Variants in RPL13A observed in about 807,000 individuals in gnomAD.
RPL13A encodes the protein large ribosomal subunit protein uL13.
RPL13A carries 4 observed loss-of-function variants against 30.8 expected under a neutral mutation model. The observed-to-expected ratio is 0.13, with a 90% CI of 0.06 to 0.30. The LOEUF (loss-of-function observed/expected upper bound fraction) is 0.30. Ranked by LOEUF, RPL13A falls within the 10% of genes least tolerant of loss-of-function variation. The pLI is 1.00. For synonymous variants in RPL13A, 108 were observed against 104.2 expected (o/e 1.04, Z -0.22); for missense variants, 196 against 272.6 (o/e 0.72, Z 1.98).
chr19:49,490,451 C>T, intron 3 of RPL13A, 24 bp from the exon 4 acceptor site: 2 of 1,610,554 alleles, frequency 1.2e-6, no homozygotes, highest in Non-Finnish European at 1.7e-6. Context: ...ACTGGGCAGG[C>T]CTCACACTCT....
intron 5 of RPL13A, 32 bp from the exon 6 acceptor site, chr19:49,491,008 C>T (rs760384532): frequency 6.6e-5 from 106 of 1,613,602 alleles, no homozygotes; most frequent in East Asian, 3.8e-4. Flanking sequence ...CTGTCCCTCC[C>T]GGGCTCTTAA....
intron 6 of RPL13A, 96 bp downstream of exon 6, chr19:49,491,195 C>CA: frequency 4.2e-6 from 6 of 1,419,346 alleles, no homozygotes; most frequent in Non-Finnish European, 6.0e-6. Flanking sequence ...GTCCTTATCT[C>CA]ACGATGGTCT....
rs777811523 is a variant in RPL13A at position 49,489,886 on chromosome 19, C to T, written c.52C>T (p.Arg18Cys). 11 of 1,614,080 alleles carry T rather than the reference C, an allele frequency of 6.8e-6. No individual in the cohort carries two copies. The highest frequency in any genetic ancestry group is 2.7e-5 in the African/African-American group (2 of 74,950). ...TGATGGTCGAGGCCATCTCCTGGGC[C>T]GCCTGGCGGCCATCGTGGCTAAACA... ...VLDGRGHLLG[R>C]LAAIVAKQVL... The change falls in exon 2 of 8, where the codon CGC becomes TGC. Residue 18 changes from arginine to cysteine, a missense_variant. By Grantham distance (180) the Arg-to-Cys change is radical. Transcript: ENST00000391857.
Position 49,490,306 on chromosome 19 carries a change from G to C in RPL13A, c.154+9G>C. The C allele has an allele frequency of 6.2e-7, 1 of 1,613,774 alleles. No homozygotes were observed. The highest frequency in any genetic ancestry group is 8.5e-7 in the Non-Finnish European group (1 of 1,179,670). On this transcript the variant is annotated intron_variant, in intron 3 of 7. Transcript: ENST00000391857. ...TTTCTACAGAAACAAGTGTAAGTTA[G>C]GACCTGGGAGGAGCACTGGAGAGGG...
Position 49,489,747 on chromosome 19 carries a change from G to A in RPL13A, c.16-103G>A, listed in dbSNP as rs138621599. ...TCCCAGCTCTGATGGCTGGGTGCAAGGCACGCTGTTGGCACGGTAGGACAA... is the reference window on the plus strand; with the variant it reads ...TCCCAGCTCTGATGGCTGGGTGCAAAGCACGCTGTTGGCACGGTAGGACAA... On this transcript the variant is annotated intron_variant, in intron 1 of 7. Coordinates refer to ENST00000391857, the MANE Select transcript of RPL13A (RefSeq NM_012423.4). 87 of 927,472 alleles carry A rather than the reference G, an allele frequency of 9.4e-5. No individual in the cohort carries two copies. The African/African-American group carries it at 1.0e-3, about 11-fold the overall frequency. The allele number at this position is 927,472 out of a possible 1,614,324, so 57.5% of individuals were successfully genotyped here. A position where few individuals can be genotyped will look rare whatever the true frequency, so the allele number is the denominator to read the frequency against.
Position 49,490,496 on chromosome 19 carries a change from G to A in RPL13A, c.176G>A (p.Arg59His), listed in dbSNP as rs746061159. 3.0e-5 allele frequency: 48 copies of A among 1,614,066 alleles called. No individual in the cohort carries two copies. The highest frequency in any genetic ancestry group is 3.4e-5 in the Non-Finnish European group (40 of 1,180,030). Reference protein sequence around the residue: ...RNKLKYLAFLRKRMNTNPSRG... With the variant: ...RNKLKYLAFLHKRMNTNPSRG... ...CTAGTGAAGTACCTGGCTTTCCTCC[G>A]CAAGCGGATGAACACCAACCCTTCC... Residue 59 changes from arginine (R) to histidine (H), a missense_variant, in exon 4 of 8, where the codon CGC becomes CAC. Coordinates refer to ENST00000391857, the MANE Select transcript of RPL13A (RefSeq NM_012423.4).
chr19:49,490,395 G>C, intron 3 of RPL13A, 80 bp from the exon 4 acceptor site: 1 of 1,590,084 alleles, frequency 6.3e-7, no homozygotes, highest in South Asian at 1.1e-5. Context: ...GCTACTTGGG[G>C]TTTCTGAGAA....
At chr19:49,489,452 C>T (rs573698920) in intron 1 of RPL13A, among the ~76,000 whole-genome samples, 1 of 152,294 alleles carries the variant, frequency 6.6e-6, no homozygotes, top group African/African-American at 2.4e-5. Context: ...ACAGGACAGC[C>T]TGTGCAACAG....
At chr19:49,491,672 G>T in intron 7 of RPL13A, 57 bp from the exon 8 acceptor site, 3 of 1,587,010 alleles carry the variant, frequency 1.9e-6, no homozygotes, top group Non-Finnish European at 2.6e-6. Flanking sequence ...TGCAGTCCAT[G>T]TAATGAGGGC....
At chr19:49,490,612 C>T (rs767100649) in intron 4 of RPL13A, 36 bp downstream of exon 4, 16 of 1,605,584 alleles carry the variant, frequency 1.0e-5, no homozygotes, top group Non-Finnish European at 1.3e-5. Context: ...TGGTGACGGG[C>T]AGGCGGCCGG....
At chr19:49,488,521 T>C (rs1401626193) in intron 1 of RPL13A, among the ~76,000 whole-genome samples, 2 of 152,368 alleles carry the variant, frequency 1.3e-5, no homozygotes, top group East Asian at 3.9e-4. Flanking sequence ...ACCATATTCC[T>C]GAGGCAGTTA....
chr19:49,490,610 G>T, intron 4 of RPL13A, 34 bp downstream of exon 4: 1 of 1,607,908 alleles, frequency 6.2e-7, no homozygotes, highest in Middle Eastern at 1.7e-4. Context: ...GGTGGTGACG[G>T]GCAGGCGGCC....
rs1044629754 is a variant in RPL13A, at chr19:49,492,151, A to G, written c.*336A>G. 7.4e-6 allele frequency: 2 copies of G among 268,698 alleles called. No homozygotes were observed. Among genetic ancestry groups the G allele is most frequent in the Admixed American group, 9.6e-5 (2 of 20,800 alleles). The allele number at this position is 268,698 out of a possible 1,614,324, so 16.6% of individuals were successfully genotyped here. A position where few individuals can be genotyped will look rare whatever the true frequency, so the allele number is the denominator to read the frequency against. ...GGTCATATACTCTGCAGCTGTTAGA[A>G]TGTGCAAGCACTTGGGGACAGCATG... On this transcript the variant is annotated 3_prime_UTR_variant, in exon 8 of 8. Coordinates refer to ENST00000391857, the MANE Select transcript of RPL13A (RefSeq NM_012423.4).
At chr19:49,488,465 G>A (rs114262775) in intron 1 of RPL13A, among the ~76,000 whole-genome samples, 170 of 152,334 alleles carry the variant, frequency 1.1e-3, no homozygotes, top group African/African-American at 4.0e-3. Flanking sequence ...CCAAGCATGT[G>A]TCTTTGTGCC....
intron 4 of RPL13A, 98 bp from the exon 5 acceptor site, chr19:49,490,681 C>T: frequency 1.3e-6 from 2 of 1,563,858 alleles, no homozygotes; most frequent in South Asian, 2.2e-5. Context: ...ACTCCACATG[C>T]ACTACCATCT....
chr19:49,490,062 C>G (rs1277085656), intron 2 of RPL13A, 140 bp downstream of exon 2: 1 of 1,018,794 alleles, frequency 9.8e-7, no homozygotes, highest in Non-Finnish European at 1.6e-6. Context: ...GCCACTCTTC[C>G]CCAGGGTTGG....
chr19:49,489,946 C>A (rs749302076), intron 2 of RPL13A, 24 bp downstream of exon 2: 2 of 1,575,858 alleles, frequency 1.3e-6, no homozygotes, highest in African/African-American at 1.3e-5. Context: ...CGTGGCCCCT[C>A]TGTCATGGGC....
chr19:49,487,783 G>A (rs1265919331), intron 1 of RPL13A, 139 bp downstream of exon 1: 7 of 942,218 alleles, frequency 7.4e-6, no homozygotes, highest in Non-Finnish European at 9.1e-6. Context: ...TTGGGATAAG[G>A]GGAATCTGTA....
intron 1 of RPL13A, 144 bp from the exon 2 acceptor site, chr19:49,489,706 G>A: frequency 1.4e-6 from 1 of 710,810 alleles, no homozygotes; most frequent in East Asian, 2.5e-5. Context: ...CTGTAGAACG[G>A]GGCTCCGTGC....
Sources: allele counts gnomAD v4.1 joint callset (sites outside exome capture counted in the v4.1 genomes callset), GRCh38; gene constraint gnomAD v4.1.1; transcripts MANE v1.5; gene names NCBI Gene and HGNC (gene_info 2026-07-23, HGNC 2026-07-21).